ATAD3B: variants seen among roughly 807,000 people sequenced by gnomAD.
ATAD3B encodes the protein ATPase family AAA domain containing 3B, also known as ATPase family AAA domain-containing protein 3B.
In ATAD3B, 59 loss-of-function variants were observed where a neutral mutation model predicts 70.2. The ratio of observed to expected loss-of-function variants is 0.84; its 90% CI spans 0.68 to 1.04. ATAD3B has a LOEUF of 1.04. Among genes scored for constraint, ATAD3B ranks in the 50% least tolerant of loss-of-function variants. The pLI is 0.00. For missense variants in ATAD3B, 961 were observed against 913.4 expected, an observed-to-expected ratio of 1.05 and a Z score of -0.67; for synonymous variants, 423 against 388.6, an observed-to-expected ratio of 1.09 and a Z score of -1.04.
the ATAD3B span, among the ~76,000 whole-genome samples, chr1:1,506,201 T>C: frequency 4.6e-5 from 7 of 152,214 alleles, no homozygotes; most frequent in African/African-American, 1.7e-4. Context: ...TGTCACTGTC[T>C]TGCAGCCTGG....
the ATAD3B span, chr1:1,509,336 G>C: frequency 1.8e-5 from 29 of 1,611,474 alleles, no homozygotes; most frequent in Admixed American, 4.5e-4. Flanking sequence ...CCGAGGACGA[G>C]CAACCCTCAT....
downstream of ATAD3B, among the ~76,000 whole-genome samples, chr1:1,502,144 G>A (rs1040485513): frequency 6.6e-6 from 1 of 152,016 alleles, no homozygotes; most frequent in African/African-American, 2.4e-5. Context: ...CTCCCAAAGT[G>A]CTGGGATTAT....
At chr1:1,487,566 G>A (rs1323124525) in intron 11 of ATAD3B, among the ~76,000 whole-genome samples, 15 of 151,850 alleles carry the variant, frequency 9.9e-5, no homozygotes, top group Non-Finnish European at 2.9e-5. Context: ...GAAACCTGCA[G>A]GGCGGAGGCT....
chr1:1,503,722 T>C, the ATAD3B span: 16 of 1,596,928 alleles, frequency 1.0e-5, 1 homozygote, highest in African/African-American at 1.7e-4. Flanking sequence ...GCATGGAGAT[T>C]GGTAGGGCTA....
intron 1 of ATAD3B, among the ~76,000 whole-genome samples, chr1:1,476,849 CCGGCTGGAGTG>C (rs1191339027): frequency 6.6e-6 from 1 of 151,444 alleles, no homozygotes; most frequent in Non-Finnish European, 1.5e-5. Flanking sequence ...CTCTGTTGCC[CCGGCTGGAGTG>C]CGGTGGTGCG....
intron 1 of ATAD3B, among the ~76,000 whole-genome samples, chr1:1,474,155 G>C (rs879070657): frequency 6.6e-6 from 1 of 151,848 alleles, no homozygotes; most frequent in South Asian, 2.1e-4. Context: ...GAGGAGAGGG[G>C]ACTGCAGGCT....
Position 1,471,912 on chromosome 1 carries a change from G to C in ATAD3B, c.28G>C (p.Gly10Arg). Reference sequence around the variant, plus strand: ...GTCGTGGCTCTTCGGCGTTAACAAGGGCCCCAAGGGTGAAGGCGCGGGGCC... The same window carrying C: ...GTCGTGGCTCTTCGGCGTTAACAAGCGCCCCAAGGGTGAAGGCGCGGGGCC... MSWLFGVNK[G>R]PKGEGAGPPP... The change falls in exon 1 of 16, where the codon GGC becomes CGC. Residue 10 changes from glycine (G) to arginine (R), a missense_variant. Gly to Arg is a moderately radical substitution (Grantham distance 125). Around this residue, in one of 4 missense-constraint regions of ATAD3B, gnomAD observed 187 missense variants for 244.3 expected, o/e 0.77. Coordinates refer to ENST00000673477, the MANE Select transcript of ATAD3B (RefSeq NM_031921.6). 2 of 1,268,530 alleles carry C rather than the reference G, an allele frequency of 1.6e-6. No individual in the cohort carries two copies. The highest frequency in any genetic ancestry group is 6.2e-4 in the Middle Eastern group (2 of 3,216). 78.6% of individuals were successfully genotyped at this position (1,268,530 alleles called of 1,614,324 possible). A position where few individuals can be genotyped will look rare whatever the true frequency, so the allele number is the denominator to read the frequency against.
At chr1:1,491,695 G>A (rs1469240112) in intron 15 of ATAD3B, among the ~76,000 whole-genome samples, 1 of 152,044 alleles carries the variant, frequency 6.6e-6, no homozygotes, top group Non-Finnish European at 1.5e-5. Context: ...ATGAATGAGT[G>A]ACAGCTTAAT....
chr1:1,496,470 C>T lies in ATAD3B; in HGVS notation c.*653C>T, dbSNP rs1262883791. 3 of 155,864 alleles carry T rather than the reference C, an allele frequency of 1.9e-5. No individual in the cohort carries two copies. Among genetic ancestry groups the T allele is most frequent in the African/African-American group, 7.2e-5 (3 of 41,404 alleles). 9.7% of individuals were successfully genotyped at this position (155,864 alleles called of 1,614,324 possible). On this transcript the variant is annotated 3_prime_UTR_variant, in exon 16 of 16. Coordinates refer to ENST00000673477, the MANE Select transcript of ATAD3B (RefSeq NM_031921.6). ...TGAGGCTGCAGAGTGATGTGGGGGC[C>T]AGCGGTGACTTCATGACCACACTGC...
Position 1,478,504 on chromosome 1 carries a change from A to C in ATAD3B, c.283-140A>C, listed in dbSNP as rs368365041. On this transcript the variant is annotated intron_variant, in intron 2 of 15. Coordinates refer to ENST00000673477, the MANE Select transcript of ATAD3B (RefSeq NM_031921.6). Reference sequence around the variant, plus strand: ...AGGGCCTGATCCTGGGTGCAGATGCAGCTGGAAGCCCTGAACCTGCTGCAC... The same window carrying C: ...AGGGCCTGATCCTGGGTGCAGATGCCGCTGGAAGCCCTGAACCTGCTGCAC... 4 of 1,546,112 alleles carry C rather than the reference A, an allele frequency of 2.6e-6. 1 individual carries two copies. The highest frequency in any genetic ancestry group is 2.0e-5 in the Admixed American group (1 of 50,488).
chr1:1,482,512 T>A (rs1249371273), intron 6 of ATAD3B, 33 bp from the exon 7 acceptor site: 2 of 1,613,292 alleles, frequency 1.2e-6, no homozygotes, highest in Non-Finnish European at 1.7e-6. Flanking sequence ...GATCTTCGTG[T>A]CCTTCCTGGT....
In ATAD3B at chr1:1,487,858, C is replaced by G; in HGVS notation, c.1215-5C>G. 1 of 1,613,012 alleles carries G rather than the reference C, an allele frequency of 6.2e-7. No homozygotes were observed. The highest frequency in any genetic ancestry group is 8.5e-7 in the Non-Finnish European group (1 of 1,179,388). ...CGCCTTGCTTGGCCTCTCTCTCGTTCACAGCCTCCTGCTCTTCATGGATGA... is the reference window on the plus strand; with the variant it reads ...CGCCTTGCTTGGCCTCTCTCTCGTTGACAGCCTCCTGCTCTTCATGGATGA... On this transcript the variant is annotated splice_polypyrimidine_tract_variant and splice_region_variant and intron_variant, in intron 11 of 15. Transcript: ENST00000673477.
At chr1:1,476,683 T>C (rs1639607365) in intron 1 of ATAD3B, among the ~76,000 whole-genome samples, 1 of 151,700 alleles carries the variant, frequency 6.6e-6, no homozygotes, top group African/African-American at 2.4e-5. Flanking sequence ...TAATTTTTTG[T>C]ATTTTTAGTA....
In ATAD3B at chr1:1,490,635, G is replaced by A. The variant is rs778825204; in HGVS notation, c.1578G>A (p.Ser526=). The A allele has an allele frequency of 1.4e-4, 222 of 1,605,244 alleles. 3 individuals carry two copies. In the South Asian group the frequency reaches 1.6e-3, roughly 12 times the overall value. Residue 526 remains serine (S), a synonymous_variant, in exon 15 of 16, where the codon TCG becomes TCA. Transcript: ENST00000673477. ...TCGCTCGGCTGACGGAGGGCATGTC[G>A]GGCCGGGAGATCGCTCAGCTGGCCG... is the stretch of plus-strand genomic sequence containing the variant. ...SEVARLTEGM[S]GREIAQLAVS... is the part of the protein sequence containing the mutation.
Position 1,495,586 on chromosome 1 carries a change from G to A in ATAD3B, c.1716G>A (p.Leu572=), listed in dbSNP as rs758967507. The A allele has an allele frequency of 1.2e-6, 2 of 1,613,204 alleles. No homozygotes were observed. Among genetic ancestry groups the A allele is most frequent in the Non-Finnish European group, 1.7e-6 (2 of 1,179,520 alleles). ...VQQYRQKMRW[L]KAEGPGRGVE... is the part of the protein sequence containing the mutation. ...AGTACCGACAGAAGATGCGCTGGCT[G>A]AAGGCGGAGGGGCCTGGGCGCGGGG... Residue 572 remains leucine (L), a synonymous_variant, in exon 16 of 16, where the codon CTG becomes CTA. Transcript: ENST00000673477.
rs1153106 is a variant in ATAD3B, at chr1:1,480,096, G to A, written c.445-771G>A. 4.9e-5 allele frequency among the ~76,000 whole-genome samples: 7 copies of A among 141,700 alleles called. 1 individual carries two copies. Among genetic ancestry groups the A allele is most frequent in the South Asian group, 2.3e-4 (1 of 4,360 alleles). The allele number at this position is 141,700 out of a possible 152,430, so 93.0% of individuals were successfully genotyped here. A position where few individuals can be genotyped will look rare whatever the true frequency, so the allele number is the denominator to read the frequency against. ...CCACACATGGGCACACGCGCACACC[G>A]CCGCAAACACACACACGGGCACGTG... On this transcript the variant is annotated intron_variant, in intron 4 of 15. Coordinates refer to ENST00000673477, the MANE Select transcript of ATAD3B (RefSeq NM_031921.6).
intron 7 of ATAD3B, chr1:1,483,725 T>G (rs369470486): frequency 3.3e-5 from 5 of 152,676 alleles, no homozygotes; most frequent in African/African-American, 1.2e-4. Flanking sequence ...TGCTTGAACC[T>G]GGAAGGCGGA....
At chr1:1,494,351 G>A (rs1640674109) in intron 15 of ATAD3B, among the ~76,000 whole-genome samples, 1 of 151,948 alleles carries the variant, frequency 6.6e-6, no homozygotes, top group Non-Finnish European at 1.5e-5. Flanking sequence ...GAGGGTCCCT[G>A]CACCTGTTTG....
At chr1:1,508,618 C>G in the ATAD3B span, among the ~76,000 whole-genome samples, 1 of 151,412 alleles carries the variant, frequency 6.6e-6, no homozygotes, top group African/African-American at 2.5e-5. Context: ...GGAGAGTGAC[C>G]TGTCTGGCAG....
Sources: gnomAD v4.1 joint callset for allele counts (sites outside exome capture counted in the v4.1 genomes callset) on GRCh38, gnomAD v4.1.1 for gene constraint, gnomAD v4.1.1 regional missense constraint, MANE v1.5 for transcripts, NCBI Gene and HGNC (gene_info 2026-07-23, HGNC 2026-07-21) for gene names.